The following CILK1 variants were observed in gnomAD, a reference collection of about 807,000 sequenced individuals.
CILK1 encodes the protein serine/threonine-protein kinase ICK.
In CILK1, 47 loss-of-function variants were observed where a neutral mutation model predicts 79.2. The ratio of observed to expected loss-of-function variants is 0.59; its 90% CI spans 0.47 to 0.76. The LOEUF is 0.76. CILK1 is among the 30% of genes least tolerant of loss of function. CILK1 has a pLI of 0.00. For missense variants in CILK1, 660 were observed against 769.5 expected, an observed-to-expected ratio of 0.86 and a Z score of 1.68; for synonymous variants, 266 against 275.9, an observed-to-expected ratio of 0.96 and a Z score of 0.36.
chr6:53,032,078 C>T (rs561167603), intron 4 of CILK1, among the ~76,000 whole-genome samples: 3 of 152,266 alleles, frequency 2.0e-5, no homozygotes, highest in Admixed American at 6.5e-5. Flanking sequence ...GGTGATCGCC[C>T]GCCTTGGCCT....
chr6:53,017,744 G>A lies in CILK1; in HGVS notation c.663+586C>T, dbSNP rs528639476. ...GACTTGAAGGAACAAGAGCCATGTGGCAATATTCAACAGGATTTACCCACC... is the reference window on the plus strand; with the variant it reads ...GACTTGAAGGAACAAGAGCCATGTGACAATATTCAACAGGATTTACCCACC... On this transcript the variant is annotated intron_variant, in intron 7 of 13. Coordinates refer to ENST00000676107, the MANE Select transcript of CILK1 (RefSeq NM_014920.5). 2.9e-4 allele frequency among the ~76,000 whole-genome samples: 44 copies of A among 152,304 alleles called. 1 individual carries two copies. The South Asian group carries it at 8.7e-3, about 30-fold the overall frequency.
intron 1 of CILK1, among the ~76,000 whole-genome samples, chr6:53,056,991 G>T (rs1390951148): frequency 6.6e-6 from 1 of 152,166 alleles, no homozygotes; most frequent in East Asian, 1.9e-4. Context: ...ATGAAGGCAT[G>T]TATATCTTAC....
rs1764743836 is a variant in CILK1 at position 53,013,925 on chromosome 6, G to T, written c.889C>A (p.Leu297Ile). Reference protein sequence around the residue: ...GHPLGSTTQNLQDSEKPQKGI... With the variant: ...GHPLGSTTQNIQDSEKPQKGI... ...TTCTGTGGTTTTTCTGAATCCTGAA[G>T]GTTTTGTGTGGTGCTGCCTAGTGGG... The change falls in exon 9 of 14, where the codon CTT (leucine) becomes ATT (isoleucine). Residue 297 changes from leucine to isoleucine, a missense_variant. Coordinates refer to ENST00000676107, the MANE Select transcript of CILK1 (RefSeq NM_014920.5). 1.9e-6 allele frequency: 3 copies of T among 1,613,988 alleles called. No individual in the cohort carries two copies. In the Admixed American group the frequency reaches 5.0e-5, roughly 27 times the overall value.
In CILK1 at chr6:53,045,791, TA is replaced by T. The variant is rs34673433; in HGVS notation, c.-172-4384del. Among the ~76,000 whole-genome samples, 273 of 113,342 alleles carry T rather than the reference TA, an allele frequency of 2.4e-3. 2 individuals carry two copies. The highest frequency in any genetic ancestry group is 3.3e-3 in the Non-Finnish European group (191 of 57,996). 74.4% of individuals were successfully genotyped at this position (113,342 alleles called of 152,430 possible). On this transcript the variant is annotated intron_variant, in intron 1 of 13. Transcript: ENST00000676107. ...AAACCATCGTTGTATGTCATCTTCC[TA>T]AAAAAAAAAAAAAAAAATTCCTGGA...
At chr6:53,028,990 G>C (rs1488437436) in intron 5 of CILK1, among the ~76,000 whole-genome samples, 1 of 151,962 alleles carries the variant, frequency 6.6e-6, no homozygotes, top group East Asian at 1.9e-4. Flanking sequence ...CATTTGATTA[G>C]GTAGAGGCCT....
intron 1 of CILK1, among the ~76,000 whole-genome samples, chr6:53,052,682 G>T (rs1767564453): frequency 6.6e-6 from 1 of 151,338 alleles, no homozygotes; most frequent in African/African-American, 2.4e-5. Context: ...AGTGAGCAGA[G>T]ATCGCACCAC....
At chr6:53,050,259 C>A (rs1442266590) in intron 1 of CILK1, among the ~76,000 whole-genome samples, 3 of 151,732 alleles carry the variant, frequency 2.0e-5, no homozygotes, top group Non-Finnish European at 4.4e-5. Context: ...ACTGTGTAGA[C>A]CAGAGACCAC....
chr6:53,019,312 G>A lies in CILK1; in HGVS notation c.406C>T (p.Pro136Ser), dbSNP rs2127420006. 6.2e-7 allele frequency: 1 copy of A among 1,614,000 alleles called. No individual in the cohort carries two copies. Among genetic ancestry groups the A allele is most frequent in the African/African-American group, 1.3e-5 (1 of 75,030 alleles). Residue 136 changes from proline to serine, a missense_variant, in exon 6 of 14, where the codon CCA becomes TCA. Coordinates refer to ENST00000676107, the MANE Select transcript of CILK1 (RefSeq NM_014920.5). ...AAGTCTGCAATTTTCACAAGTTCTGGTCCCATGCAGAGGAGGTTCTCAGGC... is the reference window on the plus strand; with the variant it reads ...AAGTCTGCAATTTTCACAAGTTCTGATCCCATGCAGAGGAGGTTCTCAGGC... ...LKPENLLCMG[P>S]ELVKIADFGL... is the part of the protein sequence containing the mutation.
chr6:53,033,272 A>C (rs1766091370), intron 3 of CILK1, among the ~76,000 whole-genome samples: 1 of 152,184 alleles, frequency 6.6e-6, no homozygotes, highest in Non-Finnish European at 1.5e-5. Flanking sequence ...AGAACAACGA[A>C]GGCAAAAAGT....
chr6:53,056,855 C>T (rs984361589), intron 1 of CILK1, among the ~76,000 whole-genome samples: 7 of 152,154 alleles, frequency 4.6e-5, no homozygotes, highest in African/African-American at 1.7e-4. Flanking sequence ...CACTGTCATC[C>T]CGTCACGCCC....
chr6:53,012,722 T>C (rs1424988800), intron 9 of CILK1, among the ~76,000 whole-genome samples: 1 of 152,194 alleles, frequency 6.6e-6, no homozygotes, highest in African/African-American at 2.4e-5. Context: ...CACTTCTAAA[T>C]TGTGTGCTGC....
chr6:53,015,330 C>T (rs1764831044), intron 8 of CILK1, among the ~76,000 whole-genome samples: 1 of 152,154 alleles, frequency 6.6e-6, no homozygotes, highest in Non-Finnish European at 1.5e-5. Context: ...TACCATACCT[C>T]TTTTGGGTAT....
chr6:53,018,303 C>G (rs374027274), intron 7 of CILK1, 27 bp downstream of exon 7: 4 of 1,611,866 alleles, frequency 2.5e-6, no homozygotes, highest in Non-Finnish European at 3.4e-6. Flanking sequence ...TGGCTTTGGC[C>G]CACTGGCCTT....
At chr6:53,023,373 A>G (rs936736536) in intron 5 of CILK1, among the ~76,000 whole-genome samples, 15 of 152,190 alleles carry the variant, frequency 9.9e-5, no homozygotes, top group African/African-American at 3.1e-4. Context: ...TTTCGTCTGT[A>G]GGGAACATTA....
At chr6:53,031,202 A>G in intron 4 of CILK1, 58 bp from the exon 5 acceptor site, 1 of 1,006,336 alleles carries the variant, frequency 9.9e-7, no homozygotes, top group Non-Finnish European at 1.6e-6. Flanking sequence ...TTTGATAATA[A>G]ATACTAAAGA....
chr6:53,031,311 A>T lies in CILK1; in HGVS notation c.279-167T>A, dbSNP rs534455168. Reference sequence around the variant, plus strand: ...TAAACATTTGATAGTAAGCCAAAAAAAAGTTTTTCCTCCAACATAGCATAT... The same window carrying T: ...TAAACATTTGATAGTAAGCCAAAAATAAGTTTTTCCTCCAACATAGCATAT... On this transcript the variant is annotated intron_variant, in intron 4 of 13. Coordinates refer to ENST00000676107, the MANE Select transcript of CILK1 (RefSeq NM_014920.5). Among the ~76,000 whole-genome samples, 6 of 152,354 alleles carry T rather than the reference A, an allele frequency of 3.9e-5. No individual in the cohort carries two copies. In the South Asian group the frequency reaches 1.2e-3, roughly 32 times the overall value.
At chr6:53,024,966 G>A (rs1024704984) in intron 5 of CILK1, among the ~76,000 whole-genome samples, 1 of 151,468 alleles carries the variant, frequency 6.6e-6, no homozygotes, top group African/African-American at 2.4e-5. Context: ...CCAAGTAGCT[G>A]GGATTACAGG....
At position 53,004,338 on chromosome 6, in the gene CILK1, T is replaced by G. The variant is rs1405440391; in HGVS notation, c.*811A>C. 1 of 152,234 alleles carries G rather than the reference T, an allele frequency of 6.6e-6. No homozygotes were observed. The highest frequency in any genetic ancestry group is 1.5e-5 in the Non-Finnish European group (1 of 68,044). The allele number at this position is 152,234 out of a possible 1,614,324, so 9.4% of individuals were successfully genotyped here. A position where few individuals can be genotyped will look rare whatever the true frequency, so the allele number is the denominator to read the frequency against. ...GTTAACCTTCATGTTGAGAGCCTTT[T>G]GAAGCAGAAATCTCTTTTATTGGTA... On this transcript the variant is annotated 3_prime_UTR_variant, in exon 14 of 14. Coordinates refer to ENST00000676107, the MANE Select transcript of CILK1 (RefSeq NM_014920.5).
chr6:53,024,266 T>C (rs1351087234), intron 5 of CILK1, among the ~76,000 whole-genome samples: 1 of 152,204 alleles, frequency 6.6e-6, no homozygotes, highest in African/African-American at 2.4e-5. Flanking sequence ...AAATTATACA[T>C]AAGAACCAAA....
Sources: allele counts gnomAD v4.1 joint callset (sites outside exome capture counted in the v4.1 genomes callset), GRCh38; gene constraint gnomAD v4.1.1; transcripts MANE v1.5; gene names NCBI Gene and HGNC (gene_info 2026-07-23, HGNC 2026-07-21).